Variants in MARCHF1 observed in about 807,000 individuals in gnomAD.
MARCHF1 encodes E3 ubiquitin-protein ligase MARCHF1.
In MARCHF1, 40 loss-of-function variants were observed where a neutral mutation model predicts 54.2. That is an observed-to-expected ratio of 0.74 (90% CI 0.57 to 0.96). The LOEUF (loss-of-function observed/expected upper bound fraction) is 0.96, where lower values mean the gene tolerates loss of function less well. MARCHF1 is among the 40% of genes least tolerant of loss of function. The pLI is 0.00. For synonymous variants in MARCHF1, 236 were observed against 236.3 expected (o/e 1.00, Z 0.01); for missense variants, 586 against 656.5 (o/e 0.89, Z 1.17).
At chr4:164,045,107 A>G (rs1754214042) in intron 2 of MARCHF1, among the ~76,000 whole-genome samples, 1 of 152,152 alleles carries the variant, frequency 6.6e-6, no homozygotes, top group East Asian at 1.9e-4. Flanking sequence ...TAACTAAAAA[A>G]ATTAAGATAT....
chr4:163,613,706 CAAAT>C (rs1362093377), intron 5 of MARCHF1: 18 of 599,550 alleles, frequency 3.0e-5, no homozygotes, highest in South Asian at 7.3e-5. Flanking sequence ...GCTTTGGAAA[CAAAT>C]GAATAATACT....
chr4:163,704,194 C>A (rs1293621346), intron 4 of MARCHF1, among the ~76,000 whole-genome samples: 1 of 151,362 alleles, frequency 6.6e-6, no homozygotes. Flanking sequence ...TGATATTCTG[C>A]AATTTTATTT....
intron 1 of MARCHF1, among the ~76,000 whole-genome samples, chr4:164,369,578 GA>G (rs895926661): frequency 1.3e-5 from 2 of 151,048 alleles, no homozygotes; most frequent in Non-Finnish European, 3.0e-5. Context: ...ACCCTTCTTC[GA>G]AAAAAAAGTA....
chr4:164,194,710 T>C (rs993421939), intron 1 of MARCHF1, among the ~76,000 whole-genome samples: 3 of 152,186 alleles, frequency 2.0e-5, no homozygotes, highest in Non-Finnish European at 4.4e-5. Context: ...TTTAACTATT[T>C]GATATCAAAT....
chr4:163,835,231 A>G lies in MARCHF1; in HGVS notation c.111+18790T>C, dbSNP rs184537969. ...ATTTATAGGGAATAAATTCCATCAT[A>G]ACTACCAGGATAGCATTCTTCTTAT... On this transcript the variant is annotated intron_variant, in intron 4 of 9. Coordinates refer to ENST00000514618, the MANE Select transcript of MARCHF1 (RefSeq NM_001394959.1). 2.8e-4 allele frequency among the ~76,000 whole-genome samples: 42 copies of G among 152,270 alleles called. No homozygotes were observed. In the East Asian group the frequency reaches 7.9e-3, roughly 29 times the overall value.
At chr4:164,075,915 C>G (rs1754967140) in intron 2 of MARCHF1, among the ~76,000 whole-genome samples, 1 of 152,092 alleles carries the variant, frequency 6.6e-6, no homozygotes, top group Admixed American at 6.6e-5. Context: ...AAGTGATAAG[C>G]AGCACAGATA....
intron 5 of MARCHF1, among the ~76,000 whole-genome samples, chr4:163,681,664 G>T (rs1744108368): frequency 6.6e-6 from 1 of 152,194 alleles, no homozygotes; most frequent in Non-Finnish European, 1.5e-5. Context: ...TGTGAAGAAG[G>T]ATGTGTTTGC....
chr4:164,069,442 T>C (rs981367399), intron 2 of MARCHF1, among the ~76,000 whole-genome samples: 1 of 152,172 alleles, frequency 6.6e-6, no homozygotes, highest in African/African-American at 2.4e-5. Flanking sequence ...CTTTATGAGA[T>C]GTAACACTCA....
At chr4:164,281,099 A>C (rs945819375) in intron 1 of MARCHF1, among the ~76,000 whole-genome samples, 1 of 152,152 alleles carries the variant, frequency 6.6e-6, no homozygotes, top group African/African-American at 2.4e-5. Context: ...TTGTATTCTT[A>C]TATCTGTTAG....
At chr4:163,973,566 T>C (rs1261772489) in intron 3 of MARCHF1, among the ~76,000 whole-genome samples, 1 of 152,162 alleles carries the variant, frequency 6.6e-6, no homozygotes, top group Non-Finnish European at 1.5e-5. Flanking sequence ...GGAAACGGCG[T>C]TGGAGGGCAC....
chr4:164,227,245 G>A (rs959330243), intron 1 of MARCHF1, among the ~76,000 whole-genome samples: 1 of 152,050 alleles, frequency 6.6e-6, no homozygotes, highest in Admixed American at 6.6e-5. Flanking sequence ...GAGAAAGAAT[G>A]AGTTCAAGCA....
intron 5 of MARCHF1, among the ~76,000 whole-genome samples, chr4:163,641,853 A>G (rs1433561297): frequency 2.0e-5 from 3 of 152,202 alleles, no homozygotes; most frequent in African/African-American, 7.2e-5. Context: ...GGAGTTAAAT[A>G]TTAGTCAGAC....
At chr4:163,551,693 AT>A (rs2110941570) in intron 8 of MARCHF1, among the ~76,000 whole-genome samples, 1 of 152,326 alleles carries the variant, frequency 6.6e-6, no homozygotes, top group East Asian at 1.9e-4. Context: ...CCCAAATGTT[AT>A]GAGAAGGACC....
At chr4:164,148,325 A>G (rs1159923416) in intron 1 of MARCHF1, among the ~76,000 whole-genome samples, 1 of 152,148 alleles carries the variant, frequency 6.6e-6, no homozygotes, top group Non-Finnish European at 1.5e-5. Context: ...ATGAACACAA[A>G]TGACAGCAGA....
At chr4:164,199,681 C>CACACACACAGAGAG (rs1462208986) in intron 1 of MARCHF1, among the ~76,000 whole-genome samples, 7 of 47,656 alleles carry the variant, frequency 1.5e-4, no homozygotes, top group East Asian at 5.7e-4. Flanking sequence ...CACACACACA[C>CACACACACAGAGAG]AGAGAGAGAG....
intron 5 of MARCHF1, among the ~76,000 whole-genome samples, chr4:163,679,516 C>A (rs1744027495): frequency 6.6e-6 from 1 of 152,154 alleles, no homozygotes; most frequent in Admixed American, 6.5e-5. Context: ...ACATAAGTGA[C>A]CTTTTAAAGC....
In MARCHF1 at chr4:164,093,155, T is replaced by C. The variant is rs535713476; in HGVS notation, c.-248+18433A>G. On this transcript the variant is annotated intron_variant, in intron 2 of 9. Coordinates refer to ENST00000514618, the MANE Select transcript of MARCHF1 (RefSeq NM_001394959.1). ...GCTTATATTAACTTACTTTTTCCTC[T>C]TTCTTTCTCCTATTGTTTTACAGTA... Among the ~76,000 whole-genome samples the C allele has an allele frequency of 2.0e-5, 3 of 152,304 alleles. No individual in the cohort carries two copies. In the East Asian group the frequency reaches 5.8e-4, roughly 29 times the overall value.
At chr4:163,546,001 G>A (rs759895371) in intron 8 of MARCHF1, among the ~76,000 whole-genome samples, 6 of 151,366 alleles carry the variant, frequency 4.0e-5, no homozygotes, top group Non-Finnish European at 7.4e-5. Context: ...TTGAGACAGG[G>A]TCTCACTCTG....
At chr4:164,276,089 T>C (rs1733874328) in intron 1 of MARCHF1, among the ~76,000 whole-genome samples, 1 of 152,196 alleles carries the variant, frequency 6.6e-6, no homozygotes, top group African/African-American at 2.4e-5. Context: ...TGAAAACTTT[T>C]GAAAAACTAC....
Sources: gnomAD v4.1 joint callset for allele counts (sites outside exome capture counted in the v4.1 genomes callset) on GRCh38, gnomAD v4.1.1 for gene constraint, MANE v1.5 for transcripts, NCBI Gene and HGNC (gene_info 2026-07-23, HGNC 2026-07-21) for gene names.